RSRC1: variants seen among roughly 807,000 people sequenced by gnomAD.
RSRC1 encodes the protein arginine and serine rich coiled-coil 1.
In RSRC1, 39 loss-of-function variants were observed where a neutral mutation model predicts 49.1. That is an observed-to-expected ratio of 0.79 (90% CI 0.61 to 1.04). The LOEUF (loss-of-function observed/expected upper bound fraction) is 1.04, where lower values mean the gene tolerates loss of function less well. RSRC1 is among the 50% of genes least tolerant of loss of function. RSRC1 has a pLI of 0.00. For missense variants in RSRC1, 388 were observed against 402.4 expected (o/e 0.96, Z 0.31); for synonymous variants, 143 against 130.8 (o/e 1.09, Z -0.63).
intron 7 of RSRC1, among the ~76,000 whole-genome samples, chr3:158,480,081 A>G (rs1738547480): frequency 6.6e-6 from 1 of 152,034 alleles, no homozygotes; most frequent in East Asian, 1.9e-4. Context: ...AGAAAACTAC[A>G]TGGGGATGAA....
At chr3:158,261,604 C>A (rs369902829) in intron 4 of RSRC1, among the ~76,000 whole-genome samples, 32 of 152,204 alleles carry the variant, frequency 2.1e-4, no homozygotes, top group Admixed American at 6.5e-4. Context: ...AGCGAAGCTT[C>A]ATCTGTATTT....
intron 2 of RSRC1, among the ~76,000 whole-genome samples, chr3:158,122,659 C>T (rs1698227648): frequency 6.6e-6 from 1 of 151,356 alleles, no homozygotes; most frequent in African/African-American, 2.4e-5. Flanking sequence ...ATACATGTGC[C>T]ATGTTGGTGT....
At chr3:158,244,354 C>A (rs934954859) in intron 4 of RSRC1, among the ~76,000 whole-genome samples, 6 of 152,082 alleles carry the variant, frequency 3.9e-5, no homozygotes, top group African/African-American at 1.4e-4. Context: ...TTATTAGAGG[C>A]CTTCTCTGCA....
At chr3:158,182,969 AATTTT>A (rs997094126) in intron 3 of RSRC1, among the ~76,000 whole-genome samples, 4 of 152,160 alleles carry the variant, frequency 2.6e-5, no homozygotes, top group African/African-American at 9.6e-5. Flanking sequence ...TCTAAGGTCT[AATTTT>A]ATTTTATTTT....
intron 7 of RSRC1, among the ~76,000 whole-genome samples, chr3:158,499,544 C>G (rs966623177): frequency 3.3e-5 from 5 of 152,086 alleles, no homozygotes; most frequent in African/African-American, 4.8e-5. Context: ...TTTGTGTCAT[C>G]TATGATTTCT....
chr3:158,484,037 A>G (rs1292231651), intron 7 of RSRC1, among the ~76,000 whole-genome samples: 1 of 152,124 alleles, frequency 6.6e-6, no homozygotes, highest in East Asian at 1.9e-4. Flanking sequence ...TGCAGTGATA[A>G]GCCAAGCAAT....
chr3:158,448,062 AC>A (rs1247383908), intron 6 of RSRC1, among the ~76,000 whole-genome samples: 2 of 151,718 alleles, frequency 1.3e-5, no homozygotes, highest in Admixed American at 6.6e-5. Context: ...GTAGCTCCAA[AC>A]CCCAGAGTTT....
chr3:158,309,256 A>G (rs1185304559), intron 5 of RSRC1, among the ~76,000 whole-genome samples: 2 of 151,862 alleles, frequency 1.3e-5, no homozygotes, highest in Non-Finnish European at 3.0e-5. Context: ...GAGAATGTGT[A>G]AAATGTTTCT....
At chr3:158,528,327 C>T (rs1003206800) in intron 7 of RSRC1, among the ~76,000 whole-genome samples, 1 of 151,896 alleles carries the variant, frequency 6.6e-6, no homozygotes, top group Non-Finnish European at 1.5e-5. Context: ...ATTCATCTTT[C>T]CTGGTTTGAA....
chr3:158,429,278 T>C (rs1436172319), intron 6 of RSRC1, among the ~76,000 whole-genome samples: 6 of 151,462 alleles, frequency 4.0e-5, no homozygotes, highest in Admixed American at 3.3e-4. Context: ...TGAAATATTA[T>C]GCTGCTGTTA....
intron 4 of RSRC1, among the ~76,000 whole-genome samples, chr3:158,253,751 G>A (rs966701091): frequency 4.0e-5 from 6 of 151,690 alleles, no homozygotes; most frequent in Non-Finnish European, 8.8e-5. Context: ...TCCATTGGTT[G>A]GTATATATTT....
intron 6 of RSRC1, among the ~76,000 whole-genome samples, chr3:158,357,990 A>G (rs1489499789): frequency 1.3e-5 from 2 of 152,214 alleles, no homozygotes; most frequent in Non-Finnish European, 2.9e-5. Context: ...TAACTATTGC[A>G]TCGTAATTGA....
chr3:158,417,011 A>G (rs1734772707), intron 6 of RSRC1, among the ~76,000 whole-genome samples: 1 of 152,074 alleles, frequency 6.6e-6, no homozygotes, highest in Non-Finnish European at 1.5e-5. Context: ...TGACTATAAT[A>G]ACTGCAGCTT....
At chr3:158,136,316 T>G (rs996806028) in intron 3 of RSRC1, among the ~76,000 whole-genome samples, 4 of 152,226 alleles carry the variant, frequency 2.6e-5, no homozygotes, top group Non-Finnish European at 5.9e-5. Context: ...ACTAATTAGA[T>G]GTACCTATTA....
intron 1 of RSRC1, among the ~76,000 whole-genome samples, chr3:158,112,261 G>A (rs1714468660): frequency 6.6e-6 from 1 of 152,144 alleles, no homozygotes; most frequent in South Asian, 2.1e-4. Flanking sequence ...GCACCTTACT[G>A]GTGGAGTTAA....
intron 4 of RSRC1, among the ~76,000 whole-genome samples, chr3:158,239,533 T>C (rs1476587027): frequency 2.0e-5 from 3 of 149,088 alleles, no homozygotes; most frequent in South Asian, 2.1e-4. Context: ...ATGAGAACAC[T>C]TGGACACAGA....
chr3:158,478,032 C>G lies in RSRC1; in HGVS notation c.652+17029C>G, dbSNP rs867935395. ...TATGATCTCAGCACTGTACTTCAGC[C>G]TAGACGACAGAGTGAAACCCCCATC... On this transcript the variant is annotated intron_variant, in intron 7 of 9. Coordinates refer to ENST00000611884, the MANE Select transcript of RSRC1 (RefSeq NM_001271838.2). Among the ~76,000 whole-genome samples the G allele has an allele frequency of 6.0e-5, 9 of 150,618 alleles. No homozygotes were observed. In the South Asian group the frequency reaches 6.3e-4, roughly 11 times the overall value.
intron 3 of RSRC1, among the ~76,000 whole-genome samples, chr3:158,172,391 T>C (rs1718928762): frequency 6.6e-6 from 1 of 152,204 alleles, no homozygotes. Context: ...TGCATTAATA[T>C]ACTTCCTCTT....
chr3:158,488,138 C>A (rs1738907630), intron 7 of RSRC1, among the ~76,000 whole-genome samples: 1 of 151,846 alleles, frequency 6.6e-6, no homozygotes, highest in Admixed American at 6.6e-5. Flanking sequence ...GAGTGATCTT[C>A]CAAAAGTGAA....
Sources: gnomAD v4.1 joint callset for allele counts (sites outside exome capture counted in the v4.1 genomes callset) on GRCh38, gnomAD v4.1.1 for gene constraint, MANE v1.5 for transcripts, NCBI Gene and HGNC (gene_info 2026-07-23, HGNC 2026-07-21) for gene names.